The following FSD1L variants were observed in gnomAD, a reference collection of about 807,000 sequenced individuals.
The protein encoded by FSD1L is fibronectin type III and SPRY domain containing 1 like.
FSD1L carries 45 observed loss-of-function variants against 71.6 expected under a neutral mutation model. The observed-to-expected ratio is 0.63, with a 90% confidence interval of 0.49 to 0.81. FSD1L has a LOEUF of 0.81. Ranked by LOEUF, FSD1L falls within the 30% of genes least tolerant of loss-of-function variation. The probability of loss-of-function intolerance (pLI) is 0.00; values close to 1 mark genes in which losing one functional copy is unlikely to be tolerated. For missense variants in FSD1L, 561 were observed against 618.1 expected (o/e 0.91, Z 0.98); for synonymous variants, 197 against 207.2 (o/e 0.95, Z 0.42).
intron 4 of FSD1L, among the ~76,000 whole-genome samples, chr9:105,469,975 T>C (rs945793937): frequency 1.3e-5 from 2 of 152,172 alleles, no homozygotes; most frequent in Non-Finnish European, 2.9e-5. Flanking sequence ...TTTTTTTGCT[T>C]GTGGATATTC....
At chr9:105,527,299 T>C (rs1835573667) in intron 10 of FSD1L, among the ~76,000 whole-genome samples, 1 of 150,770 alleles carries the variant, frequency 6.6e-6, no homozygotes, top group South Asian at 2.1e-4. Context: ...TGTTTCTATG[T>C]TCTTTTTTAA....
At chr9:105,449,617 T>C (rs975518581) in intron 1 of FSD1L, among the ~76,000 whole-genome samples, 1 of 152,230 alleles carries the variant, frequency 6.6e-6, no homozygotes, top group African/African-American at 2.4e-5. Flanking sequence ...TATTTTATAG[T>C]GTCATAGTAA....
In FSD1L at chr9:105,484,462, A is replaced by G. The variant is rs1415725122; in HGVS notation, c.546A>G (p.Ser182=). The G allele has an allele frequency of 8.5e-6, 13 of 1,531,476 alleles. No individual in the cohort carries two copies. The highest frequency in any genetic ancestry group is 1.1e-5 in the Non-Finnish European group (12 of 1,139,146). The allele number at this position is 1,531,476 out of a possible 1,614,324, so 94.9% of individuals were successfully genotyped here. ...TGACTCATTTAATGGTGGATTTCTCACAGGAAAGACAGATGCTGCAAACTT... is the reference window on the plus strand; with the variant it reads ...TGACTCATTTAATGGTGGATTTCTCGCAGGAAAGACAGATGCTGCAAACTT... ...DNMTHLMVDF[S]QERQMLQTLK... is the part of the protein sequence containing the mutation. The change falls in exon 7 of 14, where the codon TCA becomes TCG. Residue 182 remains serine (S), a synonymous_variant. Transcript: ENST00000481272.
chr9:105,487,099 A>G (rs1220637686), intron 7 of FSD1L, among the ~76,000 whole-genome samples: 1 of 152,194 alleles, frequency 6.6e-6, no homozygotes, highest in Admixed American at 6.5e-5. Context: ...TTGCTTTGCC[A>G]CTTAACAGTA....
At chr9:105,484,310 T>C in intron 6 of FSD1L, 71 bp from the exon 7 acceptor site, 1 of 1,184,062 alleles carries the variant, frequency 8.4e-7, no homozygotes, top group South Asian at 2.1e-5. Flanking sequence ...TGTCTTTTCA[T>C]TTTATAAATT....
In FSD1L at chr9:105,468,249, T is replaced by C; in HGVS notation, c.264T>C (p.Ser88=). The part of the protein sequence containing the change: ...ELDEEFDSLY[S]ILDEVKESMI... ...ATGAAGAATTTGATAGTTTATACTCTATACTGGATGAAGTAAAAGAAAGTA... is the reference window on the plus strand; with the variant it reads ...ATGAAGAATTTGATAGTTTATACTCCATACTGGATGAAGTAAAAGAAAGTA... The change falls in exon 4 of 14, where the codon TCT becomes TCC. Residue 88 remains serine, a synonymous_variant. Transcript: ENST00000481272. 6.8e-7 allele frequency: 1 copy of C among 1,473,716 alleles called. No homozygotes were observed. The highest frequency in any genetic ancestry group is 1.4e-5 in the South Asian group (1 of 69,846). 91.3% of individuals were successfully genotyped at this position (1,473,716 alleles called of 1,614,324 possible).
chr9:105,488,065 C>T (rs1393003585), intron 7 of FSD1L, among the ~76,000 whole-genome samples: 1 of 152,062 alleles, frequency 6.6e-6, no homozygotes, highest in East Asian at 1.9e-4. Context: ...TGGGGGTTCC[C>T]TCCTGGTATT....
chr9:105,512,222 A>C (rs1228311438), intron 9 of FSD1L, among the ~76,000 whole-genome samples: 1 of 79,110 alleles, frequency 1.3e-5, no homozygotes, highest in African/African-American at 6.0e-5. Context: ...TTTTAAATTT[A>C]TGTGGTTCTT....
chr9:105,464,703 G>T (rs1588936582), intron 3 of FSD1L, among the ~76,000 whole-genome samples: 1 of 152,088 alleles, frequency 6.6e-6, no homozygotes, highest in East Asian at 1.9e-4. Flanking sequence ...ACGTGTGATG[G>T]CTCATGCCTG....
At chr9:105,527,774 A>G (rs1260929311) in intron 10 of FSD1L, among the ~76,000 whole-genome samples, 1 of 152,146 alleles carries the variant, frequency 6.6e-6, no homozygotes, top group African/African-American at 2.4e-5. Context: ...TACTCAACAT[A>G]GTATTGAAAG....
intron 7 of FSD1L, among the ~76,000 whole-genome samples, chr9:105,492,230 G>A (rs368136213): frequency 5.5e-4 from 84 of 152,094 alleles, no homozygotes; most frequent in South Asian, 4.2e-3. Context: ...GTCTTGGGAG[G>A]GTGTATGTGT....
At chr9:105,462,340 C>T (rs540026602) in intron 2 of FSD1L, among the ~76,000 whole-genome samples, 3 of 150,596 alleles carry the variant, frequency 2.0e-5, no homozygotes, top group Admixed American at 6.6e-5. Context: ...CTCAGCCTCC[C>T]GAATAGCTGA....
intron 7 of FSD1L, among the ~76,000 whole-genome samples, chr9:105,489,175 G>C (rs1832752112): frequency 6.6e-6 from 1 of 152,102 alleles, no homozygotes; most frequent in Non-Finnish European, 1.5e-5. Context: ...TGGCTGAAAT[G>C]CACCAGGTAT....
rs1835509316 is a variant in FSD1L, at chr9:105,526,360, A to G, written c.1026-8133A>G. 9.3e-6 allele frequency: 15 copies of G among 1,612,552 alleles called. No homozygotes were observed. The South Asian group carries it at 1.5e-4, about 17-fold the overall frequency. On this transcript the variant is annotated intron_variant, in intron 10 of 13. Coordinates refer to ENST00000481272, the MANE Select transcript of FSD1L (RefSeq NM_001145313.3). ...TTTACCATCTGATGCCGATCATTAA[A>G]TATCAGTTCTGTTTATCTGAAGGCT...
At chr9:105,452,673 T>TGCCTGCCTTCCTG (rs1564073401) in intron 1 of FSD1L, among the ~76,000 whole-genome samples, 8 of 79,684 alleles carry the variant, frequency 1.0e-4, no homozygotes, top group African/African-American at 5.2e-4. Context: ...CTGCCTGCCT[T>TGCCTGCCTTCCTG]CCTTCCTTCC....
At position 105,455,479 on chromosome 9, in the gene FSD1L, G is replaced by A. The variant is rs117111328; in HGVS notation, c.16-6041G>A. On this transcript the variant is annotated intron_variant, in intron 1 of 13. Coordinates refer to ENST00000481272, the MANE Select transcript of FSD1L (RefSeq NM_001145313.3). ...GGCATCATTTCTGGTGGCATTATTG[G>A]GCATTTTCCAGGAATGTTACATGCT... Among the ~76,000 whole-genome samples, 1,214 of 151,908 alleles carry A rather than the reference G, an allele frequency of 8.0e-3. 11 individuals are homozygous for A. The highest frequency in any genetic ancestry group is 0.02 in the Middle Eastern group (6 of 294).
intron 7 of FSD1L, among the ~76,000 whole-genome samples, chr9:105,498,877 C>T (rs1833594410): frequency 6.6e-6 from 1 of 152,146 alleles, no homozygotes; most frequent in African/African-American, 2.4e-5. Flanking sequence ...GCCCCCCTCC[C>T]AAAGTGCAAA....
upstream of FSD1L, chr9:105,447,768 G>A: frequency 4.2e-6 from 1 of 239,436 alleles, no homozygotes; most frequent in Non-Finnish European, 8.1e-6. Flanking sequence ...TGGAGGGTGG[G>A]CTAATCCGTC....
intron 1 of FSD1L, among the ~76,000 whole-genome samples, chr9:105,449,555 G>C (rs1829859551): frequency 6.6e-6 from 1 of 152,202 alleles, no homozygotes; most frequent in African/African-American, 2.4e-5. Flanking sequence ...TAAGGAGCAA[G>C]TCACTTAACT....
Sources: allele counts gnomAD v4.1 joint callset (sites outside exome capture counted in the v4.1 genomes callset), GRCh38; gene constraint gnomAD v4.1.1; transcripts MANE v1.5; gene names NCBI Gene and HGNC (gene_info 2026-07-23, HGNC 2026-07-21).